The following PRDM16 variants were observed in gnomAD, a reference collection of about 807,000 sequenced individuals.
PRDM16 encodes histone-lysine N-methyltransferase PRDM16.
PRDM16 carries 23 observed loss-of-function variants against 110.6 expected under a neutral mutation model. The ratio of observed to expected loss-of-function variants is 0.21; its 90% CI spans 0.15 to 0.29. The LOEUF is 0.29. Ranked by LOEUF, PRDM16 falls within the 10% of genes least tolerant of loss-of-function variation. The pLI is 1.00. For synonymous variants in PRDM16, 799 were observed against 781.8 expected (o/e 1.02, Z -0.37); for missense variants, 1,615 against 1,794.3 (o/e 0.90, Z 1.81).
intron 1 of PRDM16, among the ~76,000 whole-genome samples, chr1:3,090,458 C>T (rs893380740): frequency 4.6e-5 from 7 of 152,198 alleles, no homozygotes; most frequent in Admixed American, 2.0e-4. Flanking sequence ...ACAGGCCGGG[C>T]GACTGGCTCC....
chr1:3,347,558 G>T (rs755164827), intron 3 of PRDM16, among the ~76,000 whole-genome samples: 23 of 152,234 alleles, frequency 1.5e-4, no homozygotes, highest in Admixed American at 1.1e-3. Context: ...CAGTCAGGGG[G>T]TGGGGGTGGG....
chr1:3,388,588 A>G lies in PRDM16; in HGVS notation c.573+3302A>G, dbSNP rs532107450. 2.0e-5 allele frequency among the ~76,000 whole-genome samples: 3 copies of G among 152,358 alleles called. No homozygotes were observed. In the East Asian group the frequency reaches 5.8e-4, roughly 29 times the overall value. On this transcript the variant is annotated intron_variant, in intron 4 of 16. Transcript: ENST00000270722. The stretch of plus-strand genomic sequence containing the variant: ...AAAGTTCTGGAAGCCACAGCCTCCC[A>G]GAAGAGATGAGCTCCTCTACTGGGC...
At position 3,358,553 on chromosome 1, in the gene PRDM16, G is replaced by A. The variant is rs923848813; in HGVS notation, c.439-26599G>A. On this transcript the variant is annotated intron_variant, in intron 3 of 16. Coordinates refer to ENST00000270722, the MANE Select transcript of PRDM16 (RefSeq NM_022114.4). The surrounding 1 kb of genome is among the most constrained non-coding windows in gnomAD (Gnocchi z 4.0). Reference sequence around the variant, plus strand: ...CTTTCCCGTCACCAGGCAGAGCCCCGAATTCTCCACTGGGGCCGGAAGAGG... The same window carrying A: ...CTTTCCCGTCACCAGGCAGAGCCCCAAATTCTCCACTGGGGCCGGAAGAGG... Among the ~76,000 whole-genome samples the A allele has an allele frequency of 2.2e-4, 33 of 152,264 alleles. No individual in the cohort carries two copies. The highest frequency in any genetic ancestry group is 6.5e-4 in the African/African-American group (27 of 41,562).
In PRDM16 at chr1:3,411,956, T is replaced by C. The variant is rs1557661423; in HGVS notation, c.1759T>C (p.Cys587Arg). 1.2e-6 allele frequency: 2 copies of C among 1,613,588 alleles called. No individual in the cohort carries two copies. Among genetic ancestry groups the C allele is most frequent in the Admixed American group, 1.7e-5 (1 of 60,008 alleles). Residue 587 changes from cysteine (C) to arginine (R), a missense_variant, in exon 9 of 17, where the codon TGT becomes CGT. Physicochemically the swap from Cys to Arg is radical, Grantham distance 180 (BLOSUM62 -3). This residue lies in a region of PRDM16 where 772 missense variants were observed against 748.3 expected (regional missense o/e 1.03). Transcript: ENST00000270722. Reference sequence around the variant, plus strand: ...GTTCGAGAGCCGCCTGGAGGACTCCTGTGTGGAGAAGCTGAAGACCAGGAG... The same window carrying C: ...GTTCGAGAGCCGCCTGGAGGACTCCCGTGTGGAGAAGCTGAAGACCAGGAG... ...EKFESRLEDS[C>R]VEKLKTRSSD... is the part of the protein sequence containing the mutation.
At chr1:3,083,218 G>A (rs1642070156) in intron 1 of PRDM16, among the ~76,000 whole-genome samples, 1 of 152,202 alleles carries the variant, frequency 6.6e-6, no homozygotes, top group African/African-American at 2.4e-5. Flanking sequence ...CAGTGGCAAT[G>A]GCTAGGAGAC....
intron 1 of PRDM16, among the ~76,000 whole-genome samples, chr1:3,176,960 T>TCATC: frequency 6.6e-6 from 1 of 150,964 alleles, no homozygotes; most frequent in Middle Eastern, 3.2e-3. Context: ...ATTCATTCAT[T>TCATC]CATCCATCCA....
chr1:3,394,608 C>A (rs545448476), intron 4 of PRDM16: 1 of 358,050 alleles, frequency 2.8e-6, no homozygotes, highest in African/African-American at 2.2e-5. Context: ...GCTGACCCTC[C>A]TCTCTCCTGC....
chr1:3,364,299 C>T (rs1040704315), intron 3 of PRDM16, among the ~76,000 whole-genome samples: 2 of 152,176 alleles, frequency 1.3e-5, no homozygotes, highest in African/African-American at 4.8e-5. Context: ...GGTGGTTTAT[C>T]GGTTCTTCAG....
intron 1 of PRDM16, among the ~76,000 whole-genome samples, chr1:3,140,024 C>G (rs777028470): frequency 1.4e-4 from 21 of 152,240 alleles, no homozygotes; most frequent in Non-Finnish European, 2.2e-4. Flanking sequence ...GCATCTCCCT[C>G]GGAGAATGGA....
At chr1:3,152,404 T>C (rs78502349) in intron 1 of PRDM16, among the ~76,000 whole-genome samples, 4 of 111,116 alleles carry the variant, frequency 3.6e-5, no homozygotes, top group South Asian at 2.6e-4. Context: ...ATCCATCCAT[T>C]TATCCATCCA....
chr1:3,240,329 G>A lies in PRDM16; in HGVS notation c.388-3758G>A, dbSNP rs184622623. Among the ~76,000 whole-genome samples, 661 of 150,188 alleles carry A rather than the reference G, an allele frequency of 4.4e-3. 5 individuals are homozygous for A. The highest frequency in any genetic ancestry group is 7.1e-3 in the Non-Finnish European group (484 of 67,722). On this transcript the variant is annotated intron_variant, in intron 2 of 16. Coordinates refer to ENST00000270722, the MANE Select transcript of PRDM16 (RefSeq NM_022114.4). ...CTCAGGAGGCTGAGTTGAGAGGATC[G>A]CTTGAGCTCAGGAGGCTGAGGCTGC...
At position 3,156,124 on chromosome 1, in the gene PRDM16, A is replaced by T. The variant is rs143586750; in HGVS notation, c.38-30001A>T. On this transcript the variant is annotated intron_variant, in intron 1 of 16. Transcript: ENST00000270722. ...AGACAGAGGAGATGACAAATATCCC[A>T]CCTTGCTAATATATCTCGTTGATTT... Among the ~76,000 whole-genome samples the T allele has an allele frequency of 5.2e-3, 798 of 152,276 alleles. 5 individuals are homozygous for T. Among genetic ancestry groups the T allele is most frequent in the African/African-American group, 0.015 (632 of 41,536 alleles).
chr1:3,139,728 G>A (rs565543771), intron 1 of PRDM16, among the ~76,000 whole-genome samples: 104 of 152,364 alleles, frequency 6.8e-4, no homozygotes, highest in Non-Finnish European at 1.1e-3. Flanking sequence ...GCGTCACCTC[G>A]GAAGCCCATG....
chr1:3,170,553 C>T (rs1644014296), intron 1 of PRDM16, among the ~76,000 whole-genome samples: 1 of 152,172 alleles, frequency 6.6e-6, no homozygotes, highest in African/African-American at 2.4e-5. Flanking sequence ...TCTGGGTGGC[C>T]CCCAGACCCT....
rs996142975 is a variant in PRDM16 at position 3,358,949 on chromosome 1, A to G, written c.439-26203A>G. On this transcript the variant is annotated intron_variant, in intron 3 of 16. Coordinates refer to ENST00000270722, the MANE Select transcript of PRDM16 (RefSeq NM_022114.4). This position sits in a 1 kb window ranked among gnomAD's most constrained non-coding sequence, Gnocchi z 4.0. ...GCTCCCATGAGGAATCAGAGGGGGA[A>G]AGCACAGCCGCTGTGGCTCATGTTG... 6.6e-6 allele frequency among the ~76,000 whole-genome samples: 1 copy of G among 152,204 alleles called. No homozygotes were observed. Among genetic ancestry groups the G allele is most frequent in the Non-Finnish European group, 1.5e-5 (1 of 68,038 alleles).
intron 8 of PRDM16, among the ~76,000 whole-genome samples, chr1:3,407,927 C>T (rs545019583): frequency 6.6e-5 from 10 of 152,316 alleles, no homozygotes; most frequent in African/African-American, 2.2e-4. Context: ...AAAGGAAAAC[C>T]CCAGATGTGG....
chr1:3,120,258 G>A (rs940836868), intron 1 of PRDM16, among the ~76,000 whole-genome samples: 5 of 152,210 alleles, frequency 3.3e-5, no homozygotes, highest in South Asian at 2.1e-4. Context: ...CACAAAGATC[G>A]CGTGTCCTCC....
At chr1:3,277,523 G>C (rs796260957) in intron 3 of PRDM16, among the ~76,000 whole-genome samples, 1 of 152,234 alleles carries the variant, frequency 6.6e-6, no homozygotes, top group Non-Finnish European at 1.5e-5. Context: ...GCCCCAGGCT[G>C]GCCCCGACCC....
intron 2 of PRDM16, among the ~76,000 whole-genome samples, chr1:3,210,587 A>C (rs980451708): frequency 4.6e-5 from 7 of 152,260 alleles, no homozygotes; most frequent in Non-Finnish European, 7.3e-5. Context: ...CATGCTCTAA[A>C]TAGCAGGCAC....
Sources: allele counts gnomAD v4.1 joint callset (sites outside exome capture counted in the v4.1 genomes callset), GRCh38; gene constraint gnomAD v4.1.1; regional missense constraint gnomAD v4.1.1; non-coding constraint Gnocchi (gnomAD v3.1); transcripts MANE v1.5; gene names NCBI Gene and HGNC (gene_info 2026-07-23, HGNC 2026-07-21).